The following HTT variants were observed in gnomAD, a reference collection of about 807,000 sequenced individuals.
The protein encoded by HTT is huntington disease protein.
HTT carries 104 observed loss-of-function variants against 362.3 expected under a neutral mutation model. That is an observed-to-expected ratio of 0.29 (90% CI 0.24 to 0.34). The LOEUF is 0.34. Among genes scored for constraint, HTT ranks in the 10% least tolerant of loss-of-function variants. HTT has a pLI of 1.00. For missense variants in HTT, 3,301 were observed against 3,928.6 expected, an observed-to-expected ratio of 0.84 and a Z score of 4.27; for synonymous variants, 1,577 against 1,548.7, an observed-to-expected ratio of 1.02 and a Z score of -0.43.
intron 6 of HTT, among the ~76,000 whole-genome samples, chr4:3,114,936 G>A (rs1029380598): frequency 6.6e-6 from 1 of 152,132 alleles, no homozygotes; most frequent in African/African-American, 2.4e-5. Context: ...TTAGGGTGGG[G>A]CATTTACTGC....
chr4:3,106,394 G>A (rs960929594), intron 5 of HTT, among the ~76,000 whole-genome samples: 3 of 152,136 alleles, frequency 2.0e-5, no homozygotes, highest in Non-Finnish European at 4.4e-5. Context: ...TATGGCTGCA[G>A]AGGTATAATC....
chr4:3,115,247 C>T, intron 6 of HTT, 57 bp from the exon 7 acceptor site: 2 of 1,529,774 alleles, frequency 1.3e-6, no homozygotes, highest in Non-Finnish European at 1.8e-6. Context: ...TTATGTAATA[C>T]ATGATAAGCT....
In HTT at chr4:3,206,791, T is replaced by C; in HGVS notation, c.5899-16T>C. The C allele has an allele frequency of 6.3e-7, 1 of 1,592,126 alleles. No homozygotes were observed. The highest frequency in any genetic ancestry group is 2.2e-5 in the East Asian group (1 of 44,512). ...GCAAAATAGTCATCTTTTGTTCTTT[T>C]CCTTCTTGCTGTTAGCCAACCATGC... On this transcript the variant is annotated splice_polypyrimidine_tract_variant and intron_variant, in intron 43 of 66. Transcript: ENST00000355072. The surrounding 1 kb of genome is among the most constrained non-coding windows in gnomAD (Gnocchi z 4.6).
intron 64 of HTT, among the ~76,000 whole-genome samples, chr4:3,237,674 G>A (rs1033873717): frequency 1.3e-5 from 2 of 152,192 alleles, no homozygotes; most frequent in African/African-American, 4.8e-5. Context: ...GAGGGTCTGC[G>A]GGCGGGTAGA....
intron 64 of HTT, among the ~76,000 whole-genome samples, chr4:3,237,381 C>T (rs1328765128): frequency 3.9e-5 from 6 of 152,258 alleles, no homozygotes; most frequent in South Asian, 4.2e-4. Context: ...GCCCCCATGT[C>T]GATTTTTAAA....
chr4:3,139,811 G>T (rs1316360295), intron 21 of HTT, among the ~76,000 whole-genome samples: 1 of 152,238 alleles, frequency 6.6e-6, no homozygotes, highest in East Asian at 1.9e-4. Flanking sequence ...CTGGCATTCA[G>T]ACCTGCTCTG....
At position 3,121,241 on chromosome 4, in the gene HTT, C is replaced by T. The variant is rs779086164; in HGVS notation, c.1082C>T (p.Thr361Met). The part of the protein sequence containing the change: ...AEQLVQVYEL[T>M]LHHTQHQDHN... ...CTCTGTTTCTAGGTTTATGAACTGA[C>T]GTTACATCATACACAGCACCAAGAC... is the stretch of plus-strand genomic sequence containing the variant. Residue 361 changes from threonine (T) to methionine (M), a missense_variant, in exon 9 of 67, where the codon ACG becomes ATG. Thr to Met is a moderately conservative substitution (Grantham distance 81). This residue lies in a region of HTT where 2,316 missense variants were observed against 2,658.5 expected (regional missense o/e 0.87). Transcript: ENST00000355072. 8.7e-6 allele frequency: 14 copies of T among 1,613,392 alleles called. No homozygotes were observed. Among genetic ancestry groups the T allele is most frequent in the African/African-American group, 2.7e-5 (2 of 75,030 alleles).
chr4:3,157,951 A>T (rs1265049560), intron 28 of HTT, among the ~76,000 whole-genome samples: 4 of 150,540 alleles, frequency 2.7e-5, no homozygotes, highest in Non-Finnish European at 1.5e-5. Flanking sequence ...TTATTTTGTT[A>T]TATCAATCTA....
At chr4:3,210,924 CAA>C (rs1720126586) in intron 47 of HTT, among the ~76,000 whole-genome samples, 1 of 46,444 alleles carries the variant, frequency 2.2e-5, no homozygotes, top group African/African-American at 1.3e-4. Flanking sequence ...TTTTTTGAGA[CAA>C]AGTCTCGCTG....
At chr4:3,081,880 G>A (rs1712929736) in intron 1 of HTT, among the ~76,000 whole-genome samples, 1 of 151,030 alleles carries the variant, frequency 6.6e-6, no homozygotes, top group African/African-American at 2.4e-5. Flanking sequence ...TTTTTTGGCT[G>A]TTTTTGTTTT....
In HTT at chr4:3,142,758, G is replaced by A. The variant is rs751911330; in HGVS notation, c.2946-8G>A. Reference sequence around the variant, plus strand: ...GTGTATTTTAAGTCTCTATATTTTTGTTATTAGAATATATAGAGGCTATAA... The same window carrying A: ...GTGTATTTTAAGTCTCTATATTTTTATTATTAGAATATATAGAGGCTATAA... On this transcript the variant is annotated splice_polypyrimidine_tract_variant and splice_region_variant and intron_variant, in intron 22 of 66. Coordinates refer to ENST00000355072, the MANE Select transcript of HTT (RefSeq NM_001388492.1). 6.5e-6 allele frequency: 9 copies of A among 1,394,644 alleles called. No individual in the cohort carries two copies. In the Admixed American group the frequency reaches 1.4e-4, roughly 22 times the overall value. The allele number at this position is 1,394,644 out of a possible 1,614,324, so 86.4% of individuals were successfully genotyped here.
chr4:3,101,464 G>A (rs926575841), intron 3 of HTT, among the ~76,000 whole-genome samples: 2 of 152,246 alleles, frequency 1.3e-5, no homozygotes, highest in African/African-American at 4.8e-5. Context: ...AGCGGGATCA[G>A]GATCTGGCTA....
intron 53 of HTT, 66 bp downstream of exon 53, chr4:3,220,374 C>G: frequency 1.3e-6 from 2 of 1,511,620 alleles, no homozygotes; most frequent in Non-Finnish European, 1.8e-6. Context: ...ATCCAGAGCC[C>G]CCAGTACTGG....
chr4:3,186,418 T>C (rs1358683772), intron 37 of HTT, among the ~76,000 whole-genome samples, 179 bp from the exon 38 acceptor site: 1 of 152,230 alleles, frequency 6.6e-6, no homozygotes, highest in Non-Finnish European at 1.5e-5. Context: ...AATGTAGCTA[T>C]ACAGTGTTGT....
intron 11 of HTT, 53 bp downstream of exon 11, chr4:3,125,682 C>T: frequency 7.7e-7 from 1 of 1,294,750 alleles, no homozygotes; most frequent in Non-Finnish European, 1.1e-6. Context: ...TGCCTTCCAC[C>T]CCTTGCCCTT....
At chr4:3,229,212 C>T (rs557606548) in intron 59 of HTT, among the ~76,000 whole-genome samples, 2 of 150,292 alleles carry the variant, frequency 1.3e-5, no homozygotes, top group Admixed American at 6.6e-5. Flanking sequence ...GCACCATACA[C>T]ACAACACACA....
intron 6 of HTT, among the ~76,000 whole-genome samples, chr4:3,114,043 T>G (rs1272466989): frequency 2.6e-5 from 4 of 152,208 alleles, no homozygotes; most frequent in Admixed American, 2.0e-4. Flanking sequence ...TACCCACATA[T>G]TTATTAATAG....
At chr4:3,075,674 G>A (rs2110130450) in intron 1 of HTT, among the ~76,000 whole-genome samples, 1 of 150,398 alleles carries the variant, frequency 6.6e-6, no homozygotes, top group South Asian at 2.1e-4. Flanking sequence ...GTGAGGGCGC[G>A]TCCAATGGGA....
chr4:3,205,120 G>A (rs1004473419), intron 42 of HTT, among the ~76,000 whole-genome samples: 5 of 152,060 alleles, frequency 3.3e-5, no homozygotes, highest in Non-Finnish European at 5.9e-5. Context: ...CATAAAACTA[G>A]CATCACATAT....
Sources: allele counts gnomAD v4.1 joint callset (sites outside exome capture counted in the v4.1 genomes callset), GRCh38; gene constraint gnomAD v4.1.1; regional missense constraint gnomAD v4.1.1; non-coding constraint Gnocchi (gnomAD v3.1); transcripts MANE v1.5; gene names NCBI Gene and HGNC (gene_info 2026-07-23, HGNC 2026-07-21).